TMEM131L: variants seen among roughly 807,000 people sequenced by gnomAD.
TMEM131L encodes the protein transmembrane 131 like.
In TMEM131L, 54 loss-of-function variants were observed where a neutral mutation model predicts 192.2. The ratio of observed to expected loss-of-function variants is 0.28; its 90% CI spans 0.23 to 0.35. The LOEUF (loss-of-function observed/expected upper bound fraction) is 0.35, where lower values mean the gene tolerates loss of function less well. Among genes scored for constraint, TMEM131L ranks in the 10% least tolerant of loss-of-function variants. The probability of loss-of-function intolerance (pLI) is 1.00; values close to 1 mark genes in which losing one functional copy is unlikely to be tolerated. For missense variants in TMEM131L, 1,888 were observed against 1,972.9 expected (o/e 0.96, Z 0.82); for synonymous variants, 701 against 704.9 (o/e 0.99, Z 0.09).
rs1730794282 is a variant in TMEM131L, at chr4:153,587,759, T to C, written c.1500T>C (p.Phe500=). Residue 500 remains phenylalanine, a synonymous_variant, in exon 15 of 35, where the codon TTT becomes TTC. Transcript: ENST00000409959. ...SAPTKEGSLG[F]EVIAHCGMHY... ...CAATCTAGGAAGGGAGTCTGGGTTT[T>C]GAAGTGATAGCACATTGTGGCATGC... The C allele has an allele frequency of 1.2e-6, 2 of 1,612,720 alleles. No individual in the cohort carries two copies. The highest frequency in any genetic ancestry group is 2.7e-5 in the African/African-American group (2 of 74,908).
chr4:153,563,747 G>A (rs953490470), intron 7 of TMEM131L, among the ~76,000 whole-genome samples: 2 of 152,072 alleles, frequency 1.3e-5, no homozygotes, highest in Non-Finnish European at 2.9e-5. Flanking sequence ...GATTACAGGT[G>A]TAAACCACCA....
intron 16 of TMEM131L, 126 bp from the exon 17 acceptor site, chr4:153,590,927 C>T (rs779685104): frequency 1.1e-5 from 6 of 529,012 alleles, no homozygotes; most frequent in Non-Finnish European, 1.7e-5. Flanking sequence ...AAACCATTTC[C>T]CCAAGAGCCC....
At chr4:153,502,338 C>T (rs1484807612) in intron 3 of TMEM131L, among the ~76,000 whole-genome samples, 1 of 152,158 alleles carries the variant, frequency 6.6e-6, no homozygotes, top group Non-Finnish European at 1.5e-5. Context: ...TTTCTGCAGC[C>T]ATGTGCCTGT....
chr4:153,598,674 T>G lies in TMEM131L; in HGVS notation c.2208T>G (p.Gly736=). The change falls in exon 21 of 35, where the codon GGT becomes GGG. Residue 736 remains glycine (G), a synonymous_variant. Transcript: ENST00000409959. ...TAAAAGTGGGTGGAAGACTTCCTGGTGCAGGAGGCTCACTCCGATTTAAGG... is the reference window on the plus strand; with the variant it reads ...TAAAAGTGGGTGGAAGACTTCCTGGGGCAGGAGGCTCACTCCGATTTAAGG... ...ELLKVGGRLP[G]AGGSLRFKVP... 1 of 1,614,004 alleles carries G rather than the reference T, an allele frequency of 6.2e-7. No homozygotes were observed. Among genetic ancestry groups the G allele is most frequent in the Non-Finnish European group, 8.5e-7 (1 of 1,179,934 alleles).
intron 7 of TMEM131L, among the ~76,000 whole-genome samples, chr4:153,563,427 G>A (rs971046649): frequency 6.8e-6 from 1 of 147,896 alleles, no homozygotes; most frequent in Non-Finnish European, 1.5e-5. Context: ...TCATGAGAAA[G>A]GAAAGCAGTG....
At chr4:153,579,582 C>T (rs911930435) in intron 7 of TMEM131L, among the ~76,000 whole-genome samples, 1 of 152,096 alleles carries the variant, frequency 6.6e-6, no homozygotes, top group Non-Finnish European at 1.5e-5. Flanking sequence ...ATCAATCATC[C>T]CACCTCAGCC....
At chr4:153,520,961 C>G (rs1458481704) in intron 3 of TMEM131L, among the ~76,000 whole-genome samples, 2 of 152,186 alleles carry the variant, frequency 1.3e-5, no homozygotes, top group Non-Finnish European at 2.9e-5. Flanking sequence ...TTCAGTGTGT[C>G]TGCATTAAAG....
intron 3 of TMEM131L, among the ~76,000 whole-genome samples, chr4:153,522,304 T>A (rs1376505294): frequency 6.6e-6 from 1 of 152,102 alleles, no homozygotes; most frequent in Non-Finnish European, 1.5e-5. Flanking sequence ...ACTTTCTAAG[T>A]TCATAAGTTG....
At chr4:153,503,585 T>G (rs1396041516) in intron 3 of TMEM131L, among the ~76,000 whole-genome samples, 1 of 152,206 alleles carries the variant, frequency 6.6e-6, no homozygotes, top group Non-Finnish European at 1.5e-5. Flanking sequence ...TTGGTGCATA[T>G]TAAATTAATG....
chr4:153,532,522 T>C (rs1735978875), intron 3 of TMEM131L, among the ~76,000 whole-genome samples: 1 of 152,142 alleles, frequency 6.6e-6, no homozygotes. Context: ...CAACTCAATA[T>C]TTTTTAGTGT....
At chr4:153,487,355 A>G (rs1044428396) in intron 3 of TMEM131L, among the ~76,000 whole-genome samples, 5 of 152,088 alleles carry the variant, frequency 3.3e-5, no homozygotes, top group Admixed American at 2.6e-4. Context: ...ATGGAGTGTT[A>G]GCTGGTGGAT....
In TMEM131L at chr4:153,467,260, G is replaced by A. The variant is rs1730827256; in HGVS notation, c.174G>A (p.Gly58=). The A allele has an allele frequency of 6.4e-7, 1 of 1,551,622 alleles. No homozygotes were observed. The highest frequency in any genetic ancestry group is 2.0e-5 in the Admixed American group (1 of 51,008). The stretch of plus-strand genomic sequence containing the variant: ...TGGAGCTGTGGCAGGCAGAAGAAGG[G>A]GAACTCCTGCTGCCCACTCAGGTGA... ...NVVELWQAEE[G]ELLLPTQGDS... Residue 58 remains glycine, a synonymous_variant, in exon 2 of 35, where the codon GGG becomes GGA. Coordinates refer to ENST00000409959, the MANE Select transcript of TMEM131L (RefSeq NM_001131007.2).
At chr4:153,624,399 G>A (rs139071009) in intron 29 of TMEM131L, among the ~76,000 whole-genome samples, 19 of 152,326 alleles carry the variant, frequency 1.2e-4, no homozygotes, top group African/African-American at 1.9e-4. Context: ...GATTACAGGC[G>A]TGGGCCACTG....
chr4:153,598,559 G>T, intron 20 of TMEM131L, 31 bp from the exon 21 acceptor site: 1 of 1,587,880 alleles, frequency 6.3e-7, no homozygotes, highest in South Asian at 1.1e-5. Context: ...TCCATGTAAT[G>T]CCTTTTTATA....
intron 3 of TMEM131L, among the ~76,000 whole-genome samples, chr4:153,520,612 C>A (rs528739272): frequency 6.6e-6 from 1 of 152,232 alleles, no homozygotes; most frequent in Non-Finnish European, 1.5e-5. Context: ...CAGTGCAGAT[C>A]GTTCTCCTCT....
chr4:153,626,228 A>G lies in TMEM131L; in HGVS notation c.4124+3A>G, dbSNP rs1733834235. On this transcript the variant is annotated splice_donor_region_variant and intron_variant, in intron 30 of 34. Transcript: ENST00000409959. Reference sequence around the variant, plus strand: ...TCTCATAACATCTGCAATCCCATGTAAGTTTTTTATTTTCCAGCTTTTACA... The same window carrying G: ...TCTCATAACATCTGCAATCCCATGTGAGTTTTTTATTTTCCAGCTTTTACA... 1 of 1,588,416 alleles carries G rather than the reference A, an allele frequency of 6.3e-7. No individual in the cohort carries two copies.
chr4:153,613,185 G>A (rs1261885973), intron 26 of TMEM131L, among the ~76,000 whole-genome samples: 2 of 152,142 alleles, frequency 1.3e-5, no homozygotes, highest in South Asian at 2.1e-4. Flanking sequence ...TCAAGTTAAC[G>A]AAATTTATCC....
intron 1 of TMEM131L, 33 bp from the exon 2 acceptor site, chr4:153,467,178 A>G (rs1180306657): frequency 7.1e-6 from 11 of 1,548,160 alleles, no homozygotes; most frequent in Non-Finnish European, 9.6e-6. Flanking sequence ...AGCGTGCATT[A>G]AAAACGTGGT....
chr4:153,605,855 G>C (rs1732196116), intron 25 of TMEM131L, among the ~76,000 whole-genome samples: 1 of 152,178 alleles, frequency 6.6e-6, no homozygotes, highest in South Asian at 2.1e-4. Context: ...TCTGTATAAG[G>C]ACATTTCTAA....
Sources: gnomAD v4.1 joint callset for allele counts (sites outside exome capture counted in the v4.1 genomes callset) on GRCh38, gnomAD v4.1.1 for gene constraint, MANE v1.5 for transcripts, NCBI Gene and HGNC (gene_info 2026-07-23, HGNC 2026-07-21) for gene names.